Variants in ASB15 observed in about 807,000 individuals in gnomAD.
ASB15 encodes the protein ankyrin repeat and SOCS box protein 15.
A neutral mutation model predicts 58.0 loss-of-function variants in ASB15; 54 were observed. The observed-to-expected ratio is 0.93, with a 90% CI of 0.75 to 1.17. The LOEUF (loss-of-function observed/expected upper bound fraction) is 1.17. Among genes scored for constraint, ASB15 ranks in the 50% most tolerant of loss-of-function variants. ASB15 has a pLI of 0.00. For synonymous variants in ASB15, 249 were observed against 262.4 expected (o/e 0.95, Z 0.50); for missense variants, 680 against 707.4 (o/e 0.96, Z 0.44).
chr7:123,568,212 T>G (rs1461180084), intron 1 of ASB15, among the ~76,000 whole-genome samples: 2 of 152,158 alleles, frequency 1.3e-5, no homozygotes, highest in East Asian at 3.9e-4. Flanking sequence ...CATAGTTGTC[T>G]CTATTGAAAA....
chr7:123,608,100 T>C (rs1800237227), intron 2 of ASB15, among the ~76,000 whole-genome samples: 2 of 152,170 alleles, frequency 1.3e-5, no homozygotes, highest in Non-Finnish European at 2.9e-5. Flanking sequence ...TATTTTTTCT[T>C]GTTCTTATTT....
intron 1 of ASB15, among the ~76,000 whole-genome samples, chr7:123,595,756 T>C (rs1248981305): frequency 2.0e-5 from 3 of 152,168 alleles, no homozygotes; most frequent in Non-Finnish European, 4.4e-5. Flanking sequence ...TTGTAAATGC[T>C]CTTTAGCTAG....
chr7:123,570,029 C>CTTTT (rs5887142), intron 1 of ASB15, among the ~76,000 whole-genome samples: 8 of 88,198 alleles, frequency 9.1e-5, no homozygotes, highest in East Asian at 3.6e-4. Context: ...ACTGCCATAG[C>CTTTT]TTTTTTTTTT....
intron 11 of ASB15, among the ~76,000 whole-genome samples, chr7:123,631,562 T>G (rs928380698): frequency 2.2e-4 from 33 of 152,060 alleles, no homozygotes; most frequent in African/African-American, 7.5e-4. Flanking sequence ...TTCCTGGACT[T>G]AAGCCCGCAT....
chr7:123,631,176 A>C (rs1487895280), intron 11 of ASB15, among the ~76,000 whole-genome samples: 1 of 152,164 alleles, frequency 6.6e-6, no homozygotes, highest in African/African-American at 2.4e-5. Context: ...TAGCCATCCT[A>C]GTTGTGTGAC....
Position 123,630,089 on chromosome 7 carries a change from A to G in ASB15, c.1564A>G (p.Arg522Gly). 6.3e-7 allele frequency: 1 copy of G among 1,599,682 alleles called. No homozygotes were observed. The highest frequency in any genetic ancestry group is 1.7e-4 in the Middle Eastern group (1 of 6,002). The change falls in exon 11 of 12, where the codon AGA becomes GGA. Residue 522 changes from arginine (R) to glycine (G), a missense_variant. By Grantham distance (125) the Arg-to-Gly change is moderately radical. Coordinates refer to ENST00000451215, the MANE Select transcript of ASB15 (RefSeq NM_001290258.2). Reference sequence around the variant, plus strand: ...ACTGAAGTCTGCACTAGAAGTACAGAGAGAATGGCCAGAAATCCGCCAAAT... The same window carrying G: ...ACTGAAGTCTGCACTAGAAGTACAGGGAGAATGGCCAGAAATCCGCCAAAT... ...AKLKSALEVQ[R>G]EWPEIRQILE...
chr7:123,598,291 A>G (rs1016266054), upstream of ASB15, among the ~76,000 whole-genome samples: 4 of 152,294 alleles, frequency 2.6e-5, no homozygotes, highest in African/African-American at 9.6e-5. Context: ...TTTGATAACA[A>G]TGATATGAAA....
chr7:123,603,057 A>G (rs1799963680), intron 1 of ASB15, among the ~76,000 whole-genome samples: 1 of 152,204 alleles, frequency 6.6e-6, no homozygotes. Flanking sequence ...CACTCAATAG[A>G]TATTAGTTAT....
intron 6 of ASB15, 40 bp from the exon 7 acceptor site, chr7:123,617,539 A>G: frequency 6.5e-7 from 1 of 1,530,500 alleles, no homozygotes; most frequent in Non-Finnish European, 9.0e-7. Context: ...CCTATAAGTG[A>G]GTATTTTCAA....
intron 2 of ASB15, among the ~76,000 whole-genome samples, chr7:123,605,825 C>T (rs1800121218): frequency 6.6e-6 from 1 of 152,102 alleles, no homozygotes; most frequent in Non-Finnish European, 1.5e-5. Flanking sequence ...AAGGGAACAA[C>T]AGACGCCAAG....
chr7:123,614,899 G>T (rs1207830955), intron 4 of ASB15, among the ~76,000 whole-genome samples: 3 of 152,086 alleles, frequency 2.0e-5, no homozygotes, highest in Non-Finnish European at 2.9e-5. Flanking sequence ...TTAACAAAGG[G>T]CAATGAGTAA....
chr7:123,620,729 AT>A (rs1364126445), intron 7 of ASB15, among the ~76,000 whole-genome samples: 11 of 148,830 alleles, frequency 7.4e-5, no homozygotes, highest in Admixed American at 1.3e-4. Context: ...TGCCTGGCTA[AT>A]TTTTTGTATT....
chr7:123,616,166 C>A, intron 4 of ASB15, 55 bp from the exon 5 acceptor site: 1 of 1,371,946 alleles, frequency 7.3e-7, no homozygotes, highest in Non-Finnish European at 1.0e-6. Flanking sequence ...ATGTTTGGTT[C>A]CTTGAACTAT....
intron 2 of ASB15, among the ~76,000 whole-genome samples, chr7:123,606,212 A>G (rs1800141745): frequency 1.3e-5 from 2 of 152,174 alleles, no homozygotes; most frequent in Non-Finnish European, 2.9e-5. Context: ...GACAGACACA[A>G]TAACTTAGGT....
chr7:123,590,439 G>T (rs577987231), intron 1 of ASB15, among the ~76,000 whole-genome samples: 2 of 152,218 alleles, frequency 1.3e-5, no homozygotes, highest in South Asian at 4.1e-4. Context: ...TTCTTCTAGG[G>T]CTTTTATGGT....
intron 3 of ASB15, among the ~76,000 whole-genome samples, chr7:123,611,461 T>A (rs1308904907): frequency 7.0e-6 from 1 of 142,216 alleles, no homozygotes; most frequent in Admixed American, 7.0e-5. Context: ...TACCTAATTT[T>A]TTTTGTATTT....
At chr7:123,572,142 T>C (rs1798926117) in intron 1 of ASB15, among the ~76,000 whole-genome samples, 1 of 127,292 alleles carries the variant, frequency 7.9e-6, no homozygotes, top group East Asian at 2.2e-4. Context: ...TTTTTTTTTT[T>C]TTTTTTTTTT....
intron 1 of ASB15, among the ~76,000 whole-genome samples, chr7:123,591,658 C>A (rs753598782): frequency 1.3e-5 from 2 of 152,084 alleles, no homozygotes; most frequent in Non-Finnish European, 2.9e-5. Context: ...CCAACTTGAT[C>A]GTGGTGGATA....
At chr7:123,580,908 A>G (rs1279563520) in intron 1 of ASB15, among the ~76,000 whole-genome samples, 5 of 152,036 alleles carry the variant, frequency 3.3e-5, no homozygotes, top group Non-Finnish European at 7.4e-5. Context: ...GGTTAAGTCT[A>G]TTATGAAAAG....
Sources: allele counts gnomAD v4.1 joint callset (sites outside exome capture counted in the v4.1 genomes callset), GRCh38; gene constraint gnomAD v4.1.1; transcripts MANE v1.5; gene names NCBI Gene and HGNC (gene_info 2026-07-23, HGNC 2026-07-21).